Variants in NFIB observed in about 807,000 individuals in gnomAD.
NFIB encodes nuclear factor 1 B-type.
Under a neutral mutation model 61.5 loss-of-function variants are expected in NFIB, and 11 were observed. The ratio of observed to expected loss-of-function variants is 0.18; its 90% confidence interval spans 0.11 to 0.30. The LOEUF (loss-of-function observed/expected upper bound fraction) is 0.30, where lower values mean the gene tolerates loss of function less well. Ranked by LOEUF, NFIB falls within the 10% of genes least tolerant of loss-of-function variation. The probability of loss-of-function intolerance (pLI) is 1.00; values close to 1 mark genes in which losing one functional copy is unlikely to be tolerated. For missense variants in NFIB, 471 were observed against 608.9 expected (o/e 0.77, Z 2.38); for synonymous variants, 260 against 216.5 (o/e 1.20, Z -1.76).
At chr9:14,482,742 G>A in the NFIB span, among the ~76,000 whole-genome samples, 18 of 152,292 alleles carry the variant, frequency 1.2e-4, no homozygotes, top group East Asian at 2.5e-3. Flanking sequence ...TTATTAGGAT[G>A]AGCAGATATT....
chr9:14,107,036 T>C lies in NFIB; in HGVS notation c.1467+5963A>G, dbSNP rs150775599. ...AACATCTTGAAAGGTATGTTTTATG[T>C]TTTCTTGTGTTTCTTCATTTCTCCA... On this transcript the variant is annotated intron_variant, in intron 10 of 10. Coordinates refer to ENST00000380953, the MANE Select transcript of NFIB (RefSeq NM_001190737.2). 5.2e-3 allele frequency among the ~76,000 whole-genome samples: 789 copies of C among 152,170 alleles called. 7 individuals carry two copies. The highest frequency in any genetic ancestry group is 0.017 in the African/African-American group (686 of 41,548).
At chr9:14,374,517 G>T (rs1223994379) in intron 1 of NFIB, among the ~76,000 whole-genome samples, 2 of 152,214 alleles carry the variant, frequency 1.3e-5, no homozygotes, top group Non-Finnish European at 2.9e-5. Context: ...TGAGAAATGG[G>T]TTGTTTACAA....
chr9:14,187,037 G>A (rs867344083), intron 2 of NFIB, among the ~76,000 whole-genome samples: 1,746 of 129,248 alleles, frequency 0.014, 39 homozygotes, highest in African/African-American at 0.052. Context: ...ATGTGTGTGT[G>A]TGTGTGTGTG....
intron 1 of NFIB, among the ~76,000 whole-genome samples, chr9:14,325,282 C>G (rs1050639774): frequency 6.6e-6 from 1 of 152,058 alleles, no homozygotes; most frequent in Non-Finnish European, 1.5e-5. Flanking sequence ...TTTTAAATGA[C>G]ATTTTTTTCT....
chr9:14,288,168 T>G (rs562848351), intron 2 of NFIB, among the ~76,000 whole-genome samples: 1 of 152,212 alleles, frequency 6.6e-6, no homozygotes, highest in East Asian at 1.9e-4. Context: ...AAATATATAT[T>G]GACAATTTTG....
At chr9:14,526,536 G>A in the NFIB span, among the ~76,000 whole-genome samples, 1 of 152,140 alleles carries the variant, frequency 6.6e-6, no homozygotes, top group African/African-American at 2.4e-5. Flanking sequence ...TCAATATCCT[G>A]ACTTTTTTGC....
At chr9:14,135,290 A>G (rs974333824) in intron 6 of NFIB, among the ~76,000 whole-genome samples, 4 of 152,212 alleles carry the variant, frequency 2.6e-5, no homozygotes, top group African/African-American at 7.2e-5. Context: ...TGGGCTGACA[A>G]TATTGAATCC....
chr9:14,309,639 C>G (rs1171355394), intron 1 of NFIB, among the ~76,000 whole-genome samples: 1 of 152,210 alleles, frequency 6.6e-6, no homozygotes, highest in Admixed American at 6.5e-5. Flanking sequence ...CAACCACATC[C>G]CATGATAAGA....
At chr9:14,096,201 A>G (rs1251068538) in intron 10 of NFIB, 4 of 152,160 alleles carry the variant, frequency 2.6e-5, no homozygotes, top group Admixed American at 2.6e-4. Context: ...AAACATATTC[A>G]AATAAAGTAG....
upstream of NFIB, among the ~76,000 whole-genome samples, chr9:14,402,213 A>G (rs2061749547): frequency 1.3e-5 from 2 of 152,196 alleles, no homozygotes; most frequent in South Asian, 2.1e-4. Context: ...AAATTGATCC[A>G]GCAAAGCTGA....
chr9:14,391,105 G>A (rs1299792350), intron 1 of NFIB, among the ~76,000 whole-genome samples: 2 of 152,202 alleles, frequency 1.3e-5, no homozygotes, highest in Non-Finnish European at 2.9e-5. Context: ...CATGGGCTGT[G>A]CTTAGACATT....
intron 1 of NFIB, among the ~76,000 whole-genome samples, chr9:14,337,295 A>C (rs1182161083): frequency 6.6e-6 from 1 of 152,262 alleles, no homozygotes; most frequent in East Asian, 1.9e-4. Context: ...ATTTATATAC[A>C]ACACACGGTT....
intron 2 of NFIB, among the ~76,000 whole-genome samples, chr9:14,192,943 T>C (rs1223640525): frequency 6.6e-6 from 1 of 152,038 alleles, no homozygotes; most frequent in Non-Finnish European, 1.5e-5. Flanking sequence ...TGTCAGGTAA[T>C]AGAATTAAGC....
intron 6 of NFIB, among the ~76,000 whole-genome samples, chr9:14,127,344 T>C (rs1246834761): frequency 6.6e-6 from 1 of 152,210 alleles, no homozygotes; most frequent in Non-Finnish European, 1.5e-5. Context: ...ATTTGTATTT[T>C]ATTATGAAAA....
chr9:14,247,226 CA>C (rs1198972544), intron 2 of NFIB, among the ~76,000 whole-genome samples: 2 of 152,220 alleles, frequency 1.3e-5, no homozygotes, highest in African/African-American at 4.8e-5. Context: ...AGAACTTGAA[CA>C]GTCCACAATT....
intron 1 of NFIB, among the ~76,000 whole-genome samples, chr9:14,311,898 A>G (rs188354925): frequency 3.3e-5 from 5 of 152,346 alleles, no homozygotes; most frequent in Admixed American, 2.6e-4. Flanking sequence ...CTTATCAGAA[A>G]GAGAAAAATA....
At chr9:14,170,038 T>C (rs2045392020) in intron 3 of NFIB, among the ~76,000 whole-genome samples, 1 of 152,194 alleles carries the variant, frequency 6.6e-6, no homozygotes, top group Non-Finnish European at 1.5e-5. Context: ...TTTATTCTGT[T>C]TGCAATATAT....
At chr9:14,480,968 G>A in the NFIB span, among the ~76,000 whole-genome samples, 1 of 151,514 alleles carries the variant, frequency 6.6e-6, no homozygotes, top group South Asian at 2.1e-4. Flanking sequence ...AACAGTAGCA[G>A]ACACAGTTGG....
At chr9:14,161,710 T>C (rs147179413) in intron 3 of NFIB, among the ~76,000 whole-genome samples, 142 of 152,278 alleles carry the variant, frequency 9.3e-4, no homozygotes, top group African/African-American at 3.2e-3. Flanking sequence ...TTTTAAAATA[T>C]AATAAACAAA....
Sources: gnomAD v4.1 joint callset for allele counts (sites outside exome capture counted in the v4.1 genomes callset) on GRCh38, gnomAD v4.1.1 for gene constraint, MANE v1.5 for transcripts, NCBI Gene and HGNC (gene_info 2026-07-23, HGNC 2026-07-21) for gene names.